Variants in NRG4 observed in about 807,000 individuals in gnomAD.
The protein encoded by NRG4 is pro-neuregulin-4, membrane-bound isoform.
NRG4 carries 10 observed loss-of-function variants against 15.0 expected under a neutral mutation model. The observed-to-expected ratio is 0.67, with a 90% confidence interval of 0.41 to 1.13. The LOEUF (loss-of-function observed/expected upper bound fraction) is 1.13. Among genes scored for constraint, NRG4 ranks in the 50% most tolerant of loss-of-function variants. NRG4 has a pLI of 0.00. For synonymous variants in NRG4, 41 were observed against 50.1 expected (o/e 0.82, Z 0.77); for missense variants, 139 against 140.2 (o/e 0.99, Z 0.04).
chr15:75,950,060 G>T (rs2031784283), intron 5 of NRG4, among the ~76,000 whole-genome samples: 1 of 152,142 alleles, frequency 6.6e-6, no homozygotes, highest in East Asian at 1.9e-4. Context: ...AGGTCAATTT[G>T]AGAACTGACA....
At chr15:76,036,237 G>A (rs923066467) in intron 4 of NRG4, among the ~76,000 whole-genome samples, 5 of 152,152 alleles carry the variant, frequency 3.3e-5, no homozygotes, top group Non-Finnish European at 7.4e-5. Context: ...AACAGCAGCC[G>A]GCCTGCTCCA....
intron 2 of NRG4, 39 bp downstream of exon 2, chr15:76,011,182 C>T: frequency 7.4e-7 from 1 of 1,360,008 alleles, no homozygotes; most frequent in Non-Finnish European, 9.7e-7. Context: ...TTGCTATGGA[C>T]ACATATTGAC....
At chr15:76,002,003 ATCAAAAGCTGG>A (rs1419687566) in intron 3 of NRG4, among the ~76,000 whole-genome samples, 10 of 152,344 alleles carry the variant, frequency 6.6e-5, no homozygotes, top group Admixed American at 2.6e-4. Context: ...TAGCCACTCA[ATCAAAAGCTGG>A]GTTGGGCCAG....
At position 75,949,036 on chromosome 15, in the gene NRG4, C is replaced by T. The variant is rs537211125; in HGVS notation, c.332-5382G>A. Among the ~76,000 whole-genome samples, 9 of 152,304 alleles carry T rather than the reference C, an allele frequency of 5.9e-5. No homozygotes were observed. In the South Asian group the frequency reaches 1.7e-3, roughly 28 times the overall value. On this transcript the variant is annotated intron_variant, in intron 5 of 5. Coordinates refer to ENST00000394907, the MANE Select transcript of NRG4 (RefSeq NM_138573.4). The stretch of plus-strand genomic sequence containing the variant: ...CCTGCACTGCTAGAGCCTTGGGCAA[C>T]AGAGCGAGACCCTGTCTCAAACAAA...
At position 76,017,876 on chromosome 15, in the gene NRG4, T is replaced by C. The variant is rs1283866654; in HGVS notation, c.-56-6590A>G. On this transcript the variant is annotated intron_variant, in intron 5 of 8. Transcript: ENST00000563910. ...TCCTGAATTTTAATGTTGGCCTGTC[T>C]TGCTAGGTTGGGGAAGTTCTACTGG... 2.6e-5 allele frequency among the ~76,000 whole-genome samples: 4 copies of C among 152,342 alleles called. No individual in the cohort carries two copies. In the East Asian group the frequency reaches 7.7e-4, roughly 29 times the overall value.
chr15:75,992,471 A>AG (rs2034053631), intron 3 of NRG4, among the ~76,000 whole-genome samples: 1 of 152,130 alleles, frequency 6.6e-6, no homozygotes, highest in Non-Finnish European at 1.5e-5. Flanking sequence ...ATTTTTAAAC[A>AG]GCCTTATTGA....
At chr15:76,026,815 C>A (rs756828212) in intron 5 of NRG4, among the ~76,000 whole-genome samples, 4 of 151,926 alleles carry the variant, frequency 2.6e-5, no homozygotes, top group African/African-American at 9.7e-5. Flanking sequence ...ATAGATTGGC[C>A]GAAAGGATAA....
chr15:75,961,796 T>C, intron 4 of NRG4, 32 bp downstream of exon 4: 1 of 1,548,628 alleles, frequency 6.5e-7, no homozygotes, highest in East Asian at 2.3e-5. Flanking sequence ...TATGTATTAC[T>C]TTTCTCAAAA....
At chr15:75,937,223 A>G (rs2030434933), downstream of NRG4, 1 of 151,550 alleles carries the variant, frequency 6.6e-6, no homozygotes, top group Non-Finnish European at 1.5e-5. Flanking sequence ...TAAAAAAAAA[A>G]AAGAGGCCGG....
chr15:75,958,249 T>C (rs2032340518), intron 4 of NRG4, among the ~76,000 whole-genome samples: 1 of 152,176 alleles, frequency 6.6e-6, no homozygotes, highest in South Asian at 2.1e-4. Context: ...CCTGACCTTG[T>C]GATCCGCCCT....
At chr15:75,975,866 T>A (rs2033342846) in intron 3 of NRG4, among the ~76,000 whole-genome samples, 1 of 152,174 alleles carries the variant, frequency 6.6e-6, no homozygotes, top group African/African-American at 2.4e-5. Context: ...TCTTGTGGTA[T>A]TCTCGGTATT....
In NRG4 at chr15:76,053,902, C is replaced by A. The variant is rs1359572815; in HGVS notation, c.-261-919G>T. Reference sequence around the variant, plus strand: ...TAGTGGATCATTTTTGTTTTCAATACATGTATATGTACTCGCTGATATTCC... The same window carrying A: ...TAGTGGATCATTTTTGTTTTCAATAAATGTATATGTACTCGCTGATATTCC... On this transcript the variant is annotated intron_variant, in intron 2 of 8. Transcript: ENST00000563910. 2.0e-5 allele frequency among the ~76,000 whole-genome samples: 3 copies of A among 150,962 alleles called. No individual in the cohort carries two copies. The East Asian group carries it at 5.8e-4, about 29-fold the overall frequency.
At chr15:76,032,308 T>C (rs200309283) in intron 5 of NRG4, among the ~76,000 whole-genome samples, 11 of 152,142 alleles carry the variant, frequency 7.2e-5, no homozygotes, top group African/African-American at 2.2e-4. Flanking sequence ...CAGAAAAGAA[T>C]GGCAAAATAT....
At chr15:75,983,135 T>C (rs1041029617) in intron 3 of NRG4, among the ~76,000 whole-genome samples, 1 of 151,966 alleles carries the variant, frequency 6.6e-6, no homozygotes, top group African/African-American at 2.4e-5. Flanking sequence ...AGAAAATAAA[T>C]TGAGTCCAAA....
chr15:75,997,395 C>A (rs1053227002), intron 3 of NRG4, among the ~76,000 whole-genome samples: 1 of 151,814 alleles, frequency 6.6e-6, no homozygotes, highest in Admixed American at 6.6e-5. Context: ...CCTTTTCCAT[C>A]TTGGTTTTTC....
Position 75,958,657 on chromosome 15 carries a change from T to C in NRG4, c.252-2646A>G, listed in dbSNP as rs567578733. 8.5e-5 allele frequency among the ~76,000 whole-genome samples: 13 copies of C among 152,314 alleles called. No individual in the cohort carries two copies. The South Asian group carries it at 2.7e-3, about 32-fold the overall frequency. On this transcript the variant is annotated intron_variant, in intron 4 of 5. Coordinates refer to ENST00000394907, the MANE Select transcript of NRG4 (RefSeq NM_138573.4). Reference sequence around the variant, plus strand: ...TGGAGACCCACATAATGTTTGTGATTGGAGCTTTCTTTTCTCTTGTATTCA... The same window carrying C: ...TGGAGACCCACATAATGTTTGTGATCGGAGCTTTCTTTTCTCTTGTATTCA...
intron 5 of NRG4, among the ~76,000 whole-genome samples, chr15:75,945,024 A>G (rs1250068562): frequency 6.6e-6 from 1 of 152,004 alleles, no homozygotes. Context: ...CTAAAAAATA[A>G]GTCCTTACCA....
intron 5 of NRG4, among the ~76,000 whole-genome samples, chr15:76,033,922 C>G (rs565517316): frequency 3.5e-4 from 53 of 152,242 alleles, no homozygotes; most frequent in African/African-American, 1.2e-3. Context: ...TTTAACTTTT[C>G]TAATTTTTAT....
At chr15:75,963,486 A>C (rs547257676) in intron 3 of NRG4, among the ~76,000 whole-genome samples, 1 of 152,210 alleles carries the variant, frequency 6.6e-6, no homozygotes, top group East Asian at 1.9e-4. Flanking sequence ...TTTACAAAAA[A>C]TTAAAAAATT....
Sources: allele counts gnomAD v4.1 joint callset (sites outside exome capture counted in the v4.1 genomes callset), GRCh38; gene constraint gnomAD v4.1.1; transcripts MANE v1.5; gene names NCBI Gene and HGNC (gene_info 2026-07-23, HGNC 2026-07-21).